Variants in PDE11A observed in about 807,000 individuals in gnomAD.
The protein encoded by PDE11A is dual 3',5'-cyclic-AMP and -GMP phosphodiesterase 11A.
Under a neutral mutation model 100.5 loss-of-function variants are expected in PDE11A, and 100 were observed. The observed-to-expected ratio is 1.00, with a 90% CI of 0.85 to 1.18. The LOEUF is 1.18. Among genes scored for constraint, PDE11A ranks in the 50% most tolerant of loss-of-function variants. The pLI is 0.00. For synonymous variants in PDE11A, 381 were observed against 420.8 expected (o/e 0.91, Z 1.16); for missense variants, 1,141 against 1,152.6 (o/e 0.99, Z 0.15).
chr2:177,766,736 G>C (rs1320481449), intron 10 of PDE11A, among the ~76,000 whole-genome samples: 3 of 152,070 alleles, frequency 2.0e-5, no homozygotes, highest in African/African-American at 7.2e-5. Flanking sequence ...CTACCAATTA[G>C]AATAATGTTT....
chr2:177,782,945 A>G (rs1395460602), intron 9 of PDE11A, among the ~76,000 whole-genome samples: 1 of 151,710 alleles, frequency 6.6e-6, no homozygotes, highest in East Asian at 1.9e-4. Flanking sequence ...AAACAAACAA[A>G]CAAACAAGCA....
intron 16 of PDE11A, among the ~76,000 whole-genome samples, chr2:177,678,254 A>T (rs932503491): frequency 1.3e-5 from 2 of 152,070 alleles, no homozygotes; most frequent in Admixed American, 6.5e-5. Context: ...TAGAAACACA[A>T]ACGACACCCA....
chr2:177,921,226 GC>G (rs1411549673), intron 2 of PDE11A, among the ~76,000 whole-genome samples: 3 of 151,124 alleles, frequency 2.0e-5, no homozygotes, highest in Admixed American at 6.6e-5. Flanking sequence ...TTGACAGCAT[GC>G]TTTTTTATTG....
intron 2 of PDE11A, among the ~76,000 whole-genome samples, chr2:177,945,378 C>G (rs1258946102): frequency 7.1e-6 from 1 of 140,898 alleles, no homozygotes; most frequent in Non-Finnish European, 1.6e-5. Context: ...AAGTGAGGAG[C>G]GCCTCTTCCC....
chr2:178,093,385 T>A (rs998793006), intron 2 of PDE11A, among the ~76,000 whole-genome samples: 3 of 152,122 alleles, frequency 2.0e-5, no homozygotes, highest in Admixed American at 2.0e-4. Flanking sequence ...CAGTCAAGAA[T>A]TTATGACTAC....
intron 12 of PDE11A, among the ~76,000 whole-genome samples, chr2:177,726,286 TG>T (rs1427887240): frequency 6.6e-6 from 1 of 152,140 alleles, no homozygotes; most frequent in Non-Finnish European, 1.5e-5. Context: ...AAAGACATTC[TG>T]GCCCCATCTT....
At chr2:177,803,732 G>A (rs534935889) in intron 9 of PDE11A, among the ~76,000 whole-genome samples, 7 of 152,034 alleles carry the variant, frequency 4.6e-5, no homozygotes, top group African/African-American at 1.2e-4. Flanking sequence ...TGCAGAAAAA[G>A]CATTCAATAA....
chr2:177,724,811 T>C (rs1009740925), intron 12 of PDE11A, among the ~76,000 whole-genome samples: 2 of 147,716 alleles, frequency 1.4e-5, no homozygotes, highest in Non-Finnish European at 2.9e-5. Context: ...GTAAGGTTTT[T>C]TCCCCCTTTT....
At chr2:177,902,276 C>A (rs2084709957) in intron 3 of PDE11A, among the ~76,000 whole-genome samples, 1 of 152,046 alleles carries the variant, frequency 6.6e-6, no homozygotes, top group South Asian at 2.1e-4. Context: ...TTCTCCCCCG[C>A]CCTTAAGAAT....
Position 177,660,097 on chromosome 2 carries a change from TTCTCTC to T in PDE11A, c.2646+3763_2646+3768del, listed in dbSNP as rs146788797. Among the ~76,000 whole-genome samples the T allele has an allele frequency of 2.9e-5, 2 of 69,288 alleles. 1 individual carries two copies. Among genetic ancestry groups the T allele is most frequent in the South Asian group, 1.3e-3 (2 of 1,586 alleles). 45.5% of individuals were successfully genotyped at this position (69,288 alleles called of 152,430 possible). On this transcript the variant is annotated intron_variant, in intron 19 of 19. Coordinates refer to ENST00000286063, the MANE Select transcript of PDE11A (RefSeq NM_016953.4). ...TTTCTTTCTTTCTTTCTTTCTTTCT[TTCTCTC>T]TCTCTCTCTTTCTTTCTTTCTTTCT...
At chr2:177,761,157 G>A (rs111302032) in intron 10 of PDE11A, among the ~76,000 whole-genome samples, 4 of 152,178 alleles carry the variant, frequency 2.6e-5, no homozygotes, top group South Asian at 2.1e-4. Flanking sequence ...TGCCTCCAGC[G>A]GGGAAGAGAG....
At chr2:177,737,212 C>G (rs528202779) in intron 10 of PDE11A, among the ~76,000 whole-genome samples, 1 of 151,400 alleles carries the variant, frequency 6.6e-6, no homozygotes, top group African/African-American at 2.4e-5. Flanking sequence ...TGCACTCCAG[C>G]CCAGGCAACA....
At chr2:178,023,945 C>T (rs1195091642) in intron 1 of PDE11A, among the ~76,000 whole-genome samples, 1 of 152,118 alleles carries the variant, frequency 6.6e-6, no homozygotes, top group African/African-American at 2.4e-5. Flanking sequence ...TAGAACAGAG[C>T]TTGGCAGTCC....
chr2:177,753,778 G>T (rs983235030), intron 10 of PDE11A, among the ~76,000 whole-genome samples: 8 of 150,898 alleles, frequency 5.3e-5, no homozygotes, highest in African/African-American at 9.8e-5. Flanking sequence ...GATAAGATTG[G>T]GGGGGCCAAC....
intron 2 of PDE11A, among the ~76,000 whole-genome samples, chr2:177,927,798 T>C (rs540653432): frequency 3.3e-5 from 5 of 152,144 alleles, no homozygotes; most frequent in Non-Finnish European, 5.9e-5. Context: ...TCATATATTA[T>C]TACAGTGGAT....
At chr2:177,798,303 A>G (rs1044424902) in intron 9 of PDE11A, among the ~76,000 whole-genome samples, 5 of 152,234 alleles carry the variant, frequency 3.3e-5, no homozygotes, top group African/African-American at 1.2e-4. Context: ...TACACTTGGC[A>G]GTAATCATAC....
At chr2:177,953,867 G>T (rs1331618738) in intron 2 of PDE11A, among the ~76,000 whole-genome samples, 1 of 152,098 alleles carries the variant, frequency 6.6e-6, no homozygotes, top group African/African-American at 2.4e-5. Flanking sequence ...TTTAGAAAAG[G>T]ATAGTTCGCA....
At chr2:177,781,245 C>T (rs1278504167) in intron 9 of PDE11A, among the ~76,000 whole-genome samples, 1 of 152,192 alleles carries the variant, frequency 6.6e-6, no homozygotes, top group Non-Finnish European at 1.5e-5. Flanking sequence ...GAACACAAAA[C>T]ATTTATCAAT....
intron 2 of PDE11A, among the ~76,000 whole-genome samples, chr2:177,964,471 G>A (rs772204977): frequency 1.3e-5 from 2 of 151,832 alleles, no homozygotes; most frequent in East Asian, 1.9e-4. Flanking sequence ...TTGTTGTACC[G>A]GTTATTTAAT....
Sources: allele counts gnomAD v4.1 joint callset (sites outside exome capture counted in the v4.1 genomes callset), GRCh38; gene constraint gnomAD v4.1.1; transcripts MANE v1.5; gene names NCBI Gene and HGNC (gene_info 2026-07-23, HGNC 2026-07-21).